Variants in GLDC observed in about 807,000 individuals in gnomAD.
GLDC encodes the protein glycine dehydrogenase (decarboxylating), mitochondrial.
In GLDC, 104 loss-of-function variants were observed where a neutral mutation model predicts 121.3. That is an observed-to-expected ratio of 0.86 (90% confidence interval 0.73 to 1.01). GLDC has a LOEUF of 1.01. GLDC is among the 50% of genes least tolerant of loss of function. The probability of loss-of-function intolerance (pLI) is 0.00; values close to 1 mark genes in which losing one functional copy is unlikely to be tolerated. For synonymous variants in GLDC, 546 were observed against 480.6 expected, an observed-to-expected ratio of 1.14 and a Z score of -1.78; for missense variants, 1,429 against 1,306.6, an observed-to-expected ratio of 1.09 and a Z score of -1.44.
chr9:6,611,383 C>T (rs553707832), intron 3 of GLDC, among the ~76,000 whole-genome samples: 79 of 152,226 alleles, frequency 5.2e-4, no homozygotes, highest in South Asian at 1.7e-3. Flanking sequence ...TGGTGAAACC[C>T]GTCTCTACTA....
At chr9:6,546,823 G>A (rs372710625) in intron 21 of GLDC, among the ~76,000 whole-genome samples, 16 of 151,982 alleles carry the variant, frequency 1.1e-4, no homozygotes, top group South Asian at 2.1e-4. Flanking sequence ...TCAGCCAAGC[G>A]TGGTGATGAA....
At chr9:6,638,618 G>C (rs73404970) in intron 2 of GLDC, among the ~76,000 whole-genome samples, 2,236 of 151,946 alleles carry the variant, frequency 0.015, 63 homozygotes, top group African/African-American at 0.051. Flanking sequence ...TTTACCCACA[G>C]CTTTCATGGC....
chr9:6,554,720 G>A lies in GLDC; in HGVS notation c.2264C>T (p.Thr755Ile). 1 of 1,613,228 alleles carries A rather than the reference G, an allele frequency of 6.2e-7. No homozygotes were observed. The highest frequency in any genetic ancestry group is 8.5e-7 in the Non-Finnish European group (1 of 1,179,956). The change falls in exon 19 of 25, where the codon ACC (threonine) becomes ATC (isoleucine). Residue 755 changes from threonine (T) to isoleucine (I), a missense_variant. By Grantham distance (89) the Thr-to-Ile change is moderately conservative. Transcript: ENST00000321612. ...SDVSHLNLHK[T>I]FCIPHGGGGP... ...ACCTCCTCCGTGGGGAATGCAGAAG[G>A]TCTTGTGAAGATTTAGGTGCGAGAC...
intron 2 of GLDC, among the ~76,000 whole-genome samples, chr9:6,640,975 G>A: frequency 6.6e-6 from 1 of 152,196 alleles, no homozygotes; most frequent in South Asian, 2.1e-4. Flanking sequence ...GTTGTTGAGT[G>A]CGTGTGGATG....
intron 22 of GLDC, among the ~76,000 whole-genome samples, chr9:6,538,416 C>T (rs1447878642): frequency 6.6e-6 from 1 of 152,188 alleles, no homozygotes; most frequent in East Asian, 1.9e-4. Flanking sequence ...ACAGAAGCTG[C>T]GTGTTAAATA....
In GLDC at chr9:6,629,929, C is replaced by CTATATATATATATGTATATA. The variant is rs60994714; in HGVS notation, c.335-9611_335-9610insTATATACATATATATATATA. ...ATGTGGGAGGGAGGCTTGCTTTTCA[C>CTATATATATATATGTATATA]TATATATATATATATGTATATATAT... On this transcript the variant is annotated intron_variant, in intron 2 of 24. Coordinates refer to ENST00000321612, the MANE Select transcript of GLDC (RefSeq NM_000170.3). Among the ~76,000 whole-genome samples the CTATATATATATATGTATATA allele has an allele frequency of 7.8e-4, 80 of 102,150 alleles. 4 individuals carry two copies. The highest frequency in any genetic ancestry group is 3.6e-3 in the African/African-American group (75 of 21,024). 67.0% of individuals were successfully genotyped at this position (102,150 alleles called of 152,430 possible). A position where few individuals can be genotyped will look rare whatever the true frequency, so the allele number is the denominator to read the frequency against.
chr9:6,555,562 A>G (rs535719278), intron 18 of GLDC, among the ~76,000 whole-genome samples: 2 of 152,258 alleles, frequency 1.3e-5, no homozygotes, highest in African/African-American at 4.8e-5. Context: ...TGAGCTCAGG[A>G]GTTCAAGACC....
chr9:6,608,805 T>A (rs1281969013), intron 4 of GLDC, among the ~76,000 whole-genome samples: 1 of 151,750 alleles, frequency 6.6e-6, no homozygotes, highest in Non-Finnish European at 1.5e-5. Context: ...AAAAAGCAAT[T>A]TTTTAAAAAA....
intron 11 of GLDC, 40 bp downstream of exon 11, chr9:6,592,103 A>G: frequency 8.1e-7 from 1 of 1,234,274 alleles, no homozygotes; most frequent in Non-Finnish European, 1.2e-6. Context: ...TACCACCTCC[A>G]ATAGTTATGA....
chr9:6,604,046 CT>C (rs113946761), intron 7 of GLDC, among the ~76,000 whole-genome samples: 80 of 147,568 alleles, frequency 5.4e-4, no homozygotes, highest in Admixed American at 2.6e-3. Flanking sequence ...CTTTTCTTTT[CT>C]TTTTTTTTTA....
intron 18 of GLDC, among the ~76,000 whole-genome samples, chr9:6,555,326 C>A (rs1267767533): frequency 6.6e-6 from 1 of 152,168 alleles, no homozygotes; most frequent in Non-Finnish European, 1.5e-5. Context: ...GCATGCCATC[C>A]CACTAGCCTT....
intron 12 of GLDC, 147 bp downstream of exon 12, chr9:6,589,048 G>C: frequency 1.4e-6 from 1 of 719,454 alleles, no homozygotes; most frequent in Non-Finnish European, 2.5e-6. Flanking sequence ...GTCAGGAACG[G>C]GATCGTTATG....
chr9:6,556,013 G>A, intron 18 of GLDC, 140 bp downstream of exon 18: 1 of 666,410 alleles, frequency 1.5e-6, no homozygotes, highest in Admixed American at 2.4e-5. Context: ...AAGGCCATGA[G>A]AGATCAACAA....
At chr9:6,592,758 C>T in intron 10 of GLDC, 93 bp downstream of exon 10, 1 of 1,283,420 alleles carries the variant, frequency 7.8e-7, no homozygotes, top group Non-Finnish European at 1.1e-6. Flanking sequence ...TAAAGTTTTC[C>T]TTTTTATTTT....
intron 15 of GLDC, among the ~76,000 whole-genome samples, chr9:6,580,872 T>C (rs1339730573): frequency 6.6e-6 from 1 of 152,224 alleles, no homozygotes; most frequent in African/African-American, 2.4e-5. Flanking sequence ...ATAATACTTA[T>C]TATCCATTTG....
At chr9:6,537,958 C>G (rs531043129) in intron 22 of GLDC, among the ~76,000 whole-genome samples, 4 of 152,316 alleles carry the variant, frequency 2.6e-5, no homozygotes, top group African/African-American at 9.6e-5. Flanking sequence ...ACACTTCACT[C>G]TTAAACCCTT....
intron 4 of GLDC, among the ~76,000 whole-genome samples, chr9:6,607,769 G>A (rs573538471): frequency 3.2e-4 from 48 of 151,634 alleles, no homozygotes; most frequent in East Asian, 1.6e-3. Flanking sequence ...TCAGCACCCC[G>A]CCCCTACATA....
At chr9:6,559,463 C>G (rs1275427680) in intron 16 of GLDC, among the ~76,000 whole-genome samples, 1 of 144,364 alleles carries the variant, frequency 6.9e-6, no homozygotes, top group Non-Finnish European at 1.5e-5. Context: ...TGCGGTGAGC[C>G]GAGATTGCGC....
At chr9:6,618,820 C>T (rs897270343) in intron 3 of GLDC, among the ~76,000 whole-genome samples, 2 of 152,002 alleles carry the variant, frequency 1.3e-5, no homozygotes, top group Admixed American at 6.6e-5. Context: ...GAGACAGACA[C>T]AGATGAACAC....
Sources: gnomAD v4.1 joint callset for allele counts (sites outside exome capture counted in the v4.1 genomes callset) on GRCh38, gnomAD v4.1.1 for gene constraint, MANE v1.5 for transcripts, NCBI Gene and HGNC (gene_info 2026-07-23, HGNC 2026-07-21) for gene names.